Variants in MEF2C observed in about 807,000 individuals in gnomAD.
MEF2C encodes the protein myocyte enhancer factor 2C.
In MEF2C, 6 loss-of-function variants were observed where a neutral mutation model predicts 50.5. The ratio of observed to expected loss-of-function variants is 0.12; its 90% CI spans 0.07 to 0.23. The LOEUF (loss-of-function observed/expected upper bound fraction) is 0.23. MEF2C is among the 10% of genes least tolerant of loss of function. MEF2C has a pLI of 1.00. For missense variants in MEF2C, 276 were observed against 605.0 expected (o/e 0.46, Z 5.70); for synonymous variants, 183 against 228.0 (o/e 0.80, Z 1.78).
At chr5:88,734,999 A>G in intron 6 of MEF2C, 1 of 985,346 alleles carries the variant, frequency 1.0e-6, no homozygotes, top group Non-Finnish European at 1.2e-6. Flanking sequence ...AGCATTTTGG[A>G]GCCGTATAAT....
intron 1 of MEF2C, among the ~76,000 whole-genome samples, chr5:88,848,725 T>C (rs762028344): frequency 1.2e-4 from 18 of 152,210 alleles, no homozygotes; most frequent in Non-Finnish European, 2.1e-4. Flanking sequence ...CATTCTTCTC[T>C]GTGAAAGAGT....
chr5:88,869,316 C>CATATATATATAT (rs1561421830), intron 1 of MEF2C, among the ~76,000 whole-genome samples: 1 of 85,464 alleles, frequency 1.2e-5, no homozygotes, highest in African/African-American at 4.6e-5. Flanking sequence ...TATATATATA[C>CATATATATATAT]ACATATAGCT....
intron 3 of MEF2C, among the ~76,000 whole-genome samples, chr5:88,762,620 C>A (rs1410932911): frequency 4.6e-5 from 7 of 151,800 alleles, no homozygotes; most frequent in African/African-American, 1.7e-4. Flanking sequence ...TAATTGTATA[C>A]AATTCGATTT....
chr5:88,881,845 T>A (rs1216245706), intron 1 of MEF2C, among the ~76,000 whole-genome samples: 1 of 152,128 alleles, frequency 6.6e-6, no homozygotes, highest in African/African-American at 2.4e-5. Context: ...AGTTTCAGAT[T>A]CACAATAGTA....
chr5:88,840,699 CCTAT>C (rs1432291630), intron 1 of MEF2C, among the ~76,000 whole-genome samples: 2 of 151,984 alleles, frequency 1.3e-5, no homozygotes, highest in Non-Finnish European at 2.9e-5. Flanking sequence ...ATGCTGAATT[CCTAT>C]CTTTCAAGGG....
At chr5:88,724,932 A>G (rs1444342317) in intron 10 of MEF2C, among the ~76,000 whole-genome samples, 2 of 152,178 alleles carry the variant, frequency 1.3e-5, no homozygotes, top group Non-Finnish European at 2.9e-5. Flanking sequence ...ATAAAAAGTG[A>G]TATGTCAATA....
intron 2 of MEF2C, chr5:88,819,551 C>G (rs1399288405): frequency 5.6e-6 from 1 of 177,082 alleles, no homozygotes; most frequent in Non-Finnish European, 1.1e-5. Flanking sequence ...AATGCTGTCA[C>G]CTGCCTAACT....
intron 1 of MEF2C, among the ~76,000 whole-genome samples, chr5:88,866,611 A>G (rs1358482203): frequency 6.6e-6 from 1 of 152,262 alleles, no homozygotes; most frequent in African/African-American, 2.4e-5. Context: ...CTGAACCCAG[A>G]AAAATTCAGT....
At chr5:88,870,704 C>A (rs1014621479) in intron 1 of MEF2C, among the ~76,000 whole-genome samples, 3 of 152,174 alleles carry the variant, frequency 2.0e-5, no homozygotes, top group African/African-American at 4.8e-5. Flanking sequence ...CCTCTCTCAG[C>A]ACTAAATATT....
rs191073886 is a variant in MEF2C, at chr5:88,810,826, C to T, written c.55-6025G>A. Among the ~76,000 whole-genome samples the T allele has an allele frequency of 2.7e-4, 41 of 152,136 alleles. No individual in the cohort carries two copies. The East Asian group carries it at 4.8e-3, about 18-fold the overall frequency. On this transcript the variant is annotated intron_variant, in intron 2 of 10. Transcript: ENST00000504921. ...GCAGGCTTATCAGATCTGCATGCAA[C>T]GTAAATCTGGGTGCTTGAGCAAACC...
chr5:88,869,278 CATATAT>C (rs57717988), intron 1 of MEF2C, among the ~76,000 whole-genome samples: 1 of 48,602 alleles, frequency 2.1e-5, no homozygotes, highest in African/African-American at 7.3e-5. Flanking sequence ...TATATATATA[CATATAT>C]ATATATATAT....
intron 1 of MEF2C, among the ~76,000 whole-genome samples, chr5:88,873,979 T>C (rs1237358428): frequency 6.6e-6 from 1 of 151,930 alleles, no homozygotes; most frequent in African/African-American, 2.4e-5. Flanking sequence ...ATGTTAACTG[T>C]AATAGAAGGG....
At chr5:88,838,888 T>C (rs766211341) in intron 1 of MEF2C, among the ~76,000 whole-genome samples, 1 of 152,194 alleles carries the variant, frequency 6.6e-6, no homozygotes, top group Non-Finnish European at 1.5e-5. Flanking sequence ...CTGAGTTTAA[T>C]TGTGCAATTC....
chr5:88,815,709 C>T (rs1042360363), intron 2 of MEF2C, among the ~76,000 whole-genome samples: 3 of 151,772 alleles, frequency 2.0e-5, no homozygotes, highest in Non-Finnish European at 4.4e-5. Context: ...TTAAAAATAC[C>T]CTAATAATTT....
At chr5:88,848,095 A>T (rs1819965107) in intron 1 of MEF2C, among the ~76,000 whole-genome samples, 1 of 152,202 alleles carries the variant, frequency 6.6e-6, no homozygotes, top group South Asian at 2.1e-4. Flanking sequence ...CTAAAAATCC[A>T]TATATAATAT....
At chr5:88,868,142 C>T (rs1259379067) in intron 1 of MEF2C, among the ~76,000 whole-genome samples, 3 of 152,124 alleles carry the variant, frequency 2.0e-5, no homozygotes, top group Non-Finnish European at 4.4e-5. Context: ...AATGGCCCCA[C>T]GGTGCATATC....
intron 3 of MEF2C, among the ~76,000 whole-genome samples, chr5:88,800,489 T>A (rs1797901876): frequency 6.6e-6 from 1 of 152,216 alleles, no homozygotes; most frequent in Admixed American, 6.5e-5. Flanking sequence ...GCTTGCTAAA[T>A]CATTGCTAAA....
intron 1 of MEF2C, among the ~76,000 whole-genome samples, chr5:88,898,956 A>T (rs1835374133): frequency 3.3e-5 from 5 of 152,132 alleles, no homozygotes; most frequent in Admixed American, 3.3e-4. Context: ...CATTTTCCTG[A>T]CATAAATAAA....
upstream of MEF2C, chr5:88,884,624 T>C (rs1273227838): frequency 2.8e-5 from 4 of 142,024 alleles, no homozygotes; most frequent in South Asian, 9.4e-4. Context: ...CTGGACTTCA[T>C]CCAGGTCATT....
Sources: allele counts gnomAD v4.1 joint callset (sites outside exome capture counted in the v4.1 genomes callset), GRCh38; gene constraint gnomAD v4.1.1; transcripts MANE v1.5; gene names NCBI Gene and HGNC (gene_info 2026-07-23, HGNC 2026-07-21).